NRG4: variants seen among roughly 807,000 people sequenced by gnomAD.
The protein encoded by NRG4 is neuregulin 4.
NRG4 carries 10 observed loss-of-function variants against 15.0 expected under a neutral mutation model. The ratio of observed to expected loss-of-function variants is 0.67; its 90% CI spans 0.41 to 1.13. NRG4 has a LOEUF of 1.13. NRG4 is among the 50% of genes most tolerant of loss of function. NRG4 has a pLI of 0.00. For synonymous variants in NRG4, 41 were observed against 50.1 expected, an observed-to-expected ratio of 0.82 and a Z score of 0.77; for missense variants, 139 against 140.2, an observed-to-expected ratio of 0.99 and a Z score of 0.04.
chr15:75,949,921 T>C (rs2031775839), intron 5 of NRG4, among the ~76,000 whole-genome samples: 1 of 152,230 alleles, frequency 6.6e-6, no homozygotes, highest in African/African-American at 2.4e-5. Context: ...TCTAACTTTG[T>C]TCTTCTTTTT....
chr15:76,051,741 T>A (rs180788853), intron 4 of NRG4, among the ~76,000 whole-genome samples: 5 of 150,122 alleles, frequency 3.3e-5, no homozygotes, highest in East Asian at 3.9e-4. Flanking sequence ...TCTTTTTTTT[T>A]ATTTTATTTT....
At chr15:76,017,557 T>A (rs1461906607) in intron 5 of NRG4, among the ~76,000 whole-genome samples, 9 of 152,166 alleles carry the variant, frequency 5.9e-5, no homozygotes. Context: ...AGCATTTGCT[T>A]GTCTGTAAAG....
Position 75,955,994 on chromosome 15 carries a change from C to G in NRG4, c.269G>C (p.Arg90Thr), listed in dbSNP as rs1441806903. 9 of 1,610,320 alleles carry G rather than the reference C, an allele frequency of 5.6e-6. No homozygotes were observed. Among genetic ancestry groups the G allele is most frequent in the Non-Finnish European group, 7.6e-6 (9 of 1,176,792 alleles). Residue 90 changes from arginine (R) to threonine (T), a missense_variant, in exon 5 of 6, where the codon AGA becomes ACA. Physicochemically the swap from Arg to Thr is moderately conservative, Grantham distance 71. Transcript: ENST00000394907. ...GATATCATACTGGACTGAACTGGCTCTCTGAAAGTGGCCTTTCCTGACAAT... is the reference window on the plus strand; with the variant it reads ...GATATCATACTGGACTGAACTGGCTGTCTGAAAGTGGCCTTTCCTGACAAT... ...YFLCRKGHFQ[R>T]ASSVQYDINL... is the part of the protein sequence containing the mutation.
chr15:75,967,645 A>G (rs1331089789), intron 3 of NRG4, among the ~76,000 whole-genome samples: 2 of 151,878 alleles, frequency 1.3e-5, no homozygotes, highest in Non-Finnish European at 2.9e-5. Context: ...TATTTTTAGT[A>G]GAGACGGGGT....
chr15:75,950,876 C>A, intron 5 of NRG4: 1 of 171,628 alleles, frequency 5.8e-6, no homozygotes. Flanking sequence ...TATATGTCTT[C>A]CTCCCTTTTG....
In NRG4 at chr15:75,941,651, C is replaced by T. The variant is rs2030967027; in HGVS notation, c.*1987G>A. ...TGAACCTTTCAGACATTAAGTAAAT[C>T]ACAAAAGGACAATACTATATGAATC... On this transcript the variant is annotated 3_prime_UTR_variant, in exon 6 of 6. Transcript: ENST00000394907. The T allele has an allele frequency of 1.3e-5, 2 of 152,126 alleles. No individual in the cohort carries two copies. The highest frequency in any genetic ancestry group is 4.1e-4 in the South Asian group (2 of 4,826). 9.4% of individuals were successfully genotyped at this position (152,126 alleles called of 1,614,324 possible).
At chr15:76,033,279 G>A (rs752766795) in intron 5 of NRG4, among the ~76,000 whole-genome samples, 2 of 152,160 alleles carry the variant, frequency 1.3e-5, no homozygotes, top group Admixed American at 6.5e-5. Context: ...TTCCCGGCCA[G>A]TTGTGGTGGC....
chr15:75,944,781 A>T (rs1274332766), intron 5 of NRG4, among the ~76,000 whole-genome samples: 1 of 150,926 alleles, frequency 6.6e-6, no homozygotes, highest in African/African-American at 2.4e-5. Flanking sequence ...GGGGGTGGTT[A>T]TTTGCTTATA....
upstream of NRG4, chr15:76,012,493 C>T (rs2034847079): frequency 6.6e-6 from 1 of 152,186 alleles, no homozygotes; most frequent in Admixed American, 6.5e-5. Flanking sequence ...AGAGGTCAGG[C>T]ACTGGCCACG....
At chr15:75,975,892 T>C (rs2033343532) in intron 3 of NRG4, among the ~76,000 whole-genome samples, 1 of 152,214 alleles carries the variant, frequency 6.6e-6, no homozygotes, top group Non-Finnish European at 1.5e-5. Flanking sequence ...AATTTGAATG[T>C]TGGCCTGTCT....
At chr15:75,965,134 A>C (rs2032736211) in intron 3 of NRG4, among the ~76,000 whole-genome samples, 2 of 151,924 alleles carry the variant, frequency 1.3e-5, no homozygotes, top group South Asian at 4.2e-4. Context: ...CTGAGGCAGG[A>C]GAATGGCGTG....
At chr15:76,044,055 T>A (rs1596057784) in intron 4 of NRG4, among the ~76,000 whole-genome samples, 3 of 152,182 alleles carry the variant, frequency 2.0e-5, no homozygotes, top group African/African-American at 7.2e-5. Flanking sequence ...CGGACTGCAG[T>A]GGCGCAATCT....
chr15:75,950,350 T>A (rs2031804441), intron 5 of NRG4: 1 of 155,230 alleles, frequency 6.4e-6, no homozygotes, highest in South Asian at 2.0e-4. Flanking sequence ...ATCAGAAGAA[T>A]ATTCTCCTGA....
At chr15:76,039,076 A>G (rs2035666566) in intron 4 of NRG4, among the ~76,000 whole-genome samples, 1 of 152,234 alleles carries the variant, frequency 6.6e-6, no homozygotes. Flanking sequence ...TAATGCAGAC[A>G]TGGCTTAGAT....
At chr15:76,030,431 T>C (rs1414689106) in intron 5 of NRG4, among the ~76,000 whole-genome samples, 2 of 152,092 alleles carry the variant, frequency 1.3e-5, no homozygotes, top group Non-Finnish European at 2.9e-5. Context: ...TTAAAGAACC[T>C]ATGCTTCTAC....
chr15:76,042,982 G>T (rs2035782237), intron 4 of NRG4, among the ~76,000 whole-genome samples: 2 of 152,072 alleles, frequency 1.3e-5, no homozygotes, highest in African/African-American at 2.4e-5. Context: ...TTTATCCCAT[G>T]GATGCAAGGA....
chr15:75,990,671 G>GTTTTTTTTTTTTTTTTTTT (rs374504639), intron 3 of NRG4, among the ~76,000 whole-genome samples: 2 of 130,616 alleles, frequency 1.5e-5, no homozygotes, highest in Non-Finnish European at 1.6e-5. Context: ...GTTGGTAATT[G>GTTTTTTTTTTTTTTTTTTT]TTTTTTTTTT....
intron 3 of NRG4, among the ~76,000 whole-genome samples, chr15:75,997,900 C>T (rs897967689): frequency 1.3e-5 from 2 of 152,182 alleles, no homozygotes; most frequent in Admixed American, 6.5e-5. Context: ...CACATAGACC[C>T]AGTCTAACTG....
chr15:76,056,624 A>G (rs968690615), intron 2 of NRG4, among the ~76,000 whole-genome samples: 1 of 152,190 alleles, frequency 6.6e-6, no homozygotes, highest in Non-Finnish European at 1.5e-5. Flanking sequence ...TACATTCCAA[A>G]TAAGTGAGGT....
Sources: gnomAD v4.1 joint callset for allele counts (sites outside exome capture counted in the v4.1 genomes callset) on GRCh38, gnomAD v4.1.1 for gene constraint, MANE v1.5 for transcripts, NCBI Gene and HGNC (gene_info 2026-07-23, HGNC 2026-07-21) for gene names.